PDE10A: variants seen among roughly 807,000 people sequenced by gnomAD.
PDE10A encodes the protein phosphodiesterase 10A, also known as cAMP and cAMP-inhibited cGMP 3',5'-cyclic phosphodiesterase 10A.
A neutral mutation model predicts 97.7 loss-of-function variants in PDE10A; 39 were observed. The observed-to-expected ratio is 0.40, with a 90% CI of 0.31 to 0.52. The LOEUF (loss-of-function observed/expected upper bound fraction) is 0.52. Ranked by LOEUF, PDE10A falls within the 20% of genes least tolerant of loss-of-function variation. The pLI, the probability that PDE10A is intolerant of heterozygous loss-of-function variation, is 0.56. For missense variants in PDE10A, 731 were observed against 1,047.8 expected, an observed-to-expected ratio of 0.70 and a Z score of 4.17; for synonymous variants, 371 against 376.8, an observed-to-expected ratio of 0.98 and a Z score of 0.18.
At chr6:165,339,410 C>T (rs1327174796) in intron 19 of PDE10A, 52 bp from the exon 20 acceptor site, 3 of 1,057,050 alleles carry the variant, frequency 2.8e-6, no homozygotes, top group Non-Finnish European at 4.4e-6. Context: ...AATTGCTATA[C>T]TATTTTGATA....
chr6:165,955,675 T>C lies in PDE10A; in HGVS notation c.-615+31854A>G, dbSNP rs969516354. The stretch of plus-strand genomic sequence containing the variant: ...ATTTTAAGTGCGAGTAGAAAAGTCA[T>C]TTCTTCATACTTTAGAAATTATTGA... On this transcript the variant is annotated intron_variant, in intron 1 of 19. Coordinates refer to the PDE10A transcript ENST00000366882. Among the ~76,000 whole-genome samples, 5 of 152,328 alleles carry C rather than the reference T, an allele frequency of 3.3e-5. No individual in the cohort carries two copies. In the East Asian group the frequency reaches 9.6e-4, roughly 29 times the overall value.
At chr6:165,413,877 A>C (rs1042176742) in intron 12 of PDE10A, among the ~76,000 whole-genome samples, 190 bp from the exon 13 acceptor site, 9 of 152,182 alleles carry the variant, frequency 5.9e-5, no homozygotes, top group Non-Finnish European at 1.3e-4. Flanking sequence ...AAACCTTTCC[A>C]AAAATATTCT....
intron 1 of PDE10A, among the ~76,000 whole-genome samples, chr6:165,677,489 A>T (rs759837701): frequency 5.9e-5 from 9 of 152,236 alleles, no homozygotes; most frequent in Non-Finnish European, 1.3e-4. Context: ...TTTAGAAATA[A>T]AATGTCTGCA....
intron 1 of PDE10A, among the ~76,000 whole-genome samples, chr6:165,606,153 G>GAAAAAAA (rs71029555): frequency 1.4e-4 from 16 of 113,278 alleles, no homozygotes; most frequent in African/African-American, 5.5e-4. Flanking sequence ...ACGAACAAGC[G>GAAAAAAA]AAAAAAAAAA....
At chr6:165,800,833 AG>A (rs1400086000) in intron 1 of PDE10A, among the ~76,000 whole-genome samples, 1 of 152,218 alleles carries the variant, frequency 6.6e-6, no homozygotes, top group East Asian at 1.9e-4. Flanking sequence ...ATCCATTTAG[AG>A]GGCAGCGTCC....
intron 1 of PDE10A, among the ~76,000 whole-genome samples, chr6:165,759,372 T>G (rs1252774228): frequency 1.3e-5 from 2 of 152,104 alleles, no homozygotes; most frequent in Non-Finnish European, 1.5e-5. Flanking sequence ...TCAGTGGAGC[T>G]CTCATCGCTT....
At chr6:165,530,793 A>G (rs1002967377) in intron 2 of PDE10A, among the ~76,000 whole-genome samples, 4 of 152,216 alleles carry the variant, frequency 2.6e-5, no homozygotes, top group African/African-American at 9.6e-5. Context: ...AAACCATCAG[A>G]TAAGTGTGCT....
intron 1 of PDE10A, among the ~76,000 whole-genome samples, chr6:165,784,038 T>G (rs1215868832): frequency 6.6e-6 from 1 of 151,960 alleles, no homozygotes; most frequent in Non-Finnish European, 1.5e-5. Flanking sequence ...GCCATCATGG[T>G]GAAACCCTGT....
At chr6:165,442,566 A>G (rs1790550446) in intron 5 of PDE10A, among the ~76,000 whole-genome samples, 1 of 152,042 alleles carries the variant, frequency 6.6e-6, no homozygotes, top group Non-Finnish European at 1.5e-5. Context: ...CTACCATCAG[A>G]CCTCACGAGA....
chr6:165,648,545 T>C (rs919279611), intron 1 of PDE10A, among the ~76,000 whole-genome samples: 1 of 152,196 alleles, frequency 6.6e-6, no homozygotes. Context: ...TACTACTGAA[T>C]GCCTTATTCT....
intron 1 of PDE10A, among the ~76,000 whole-genome samples, chr6:165,861,392 G>C (rs375589311): frequency 7.9e-5 from 12 of 151,646 alleles, no homozygotes; most frequent in Admixed American, 4.6e-4. Context: ...TGTCCTCTCG[G>C]GGGGGCGCTA....
intron 1 of PDE10A, among the ~76,000 whole-genome samples, chr6:165,859,937 G>C (rs1017091959): frequency 1.3e-5 from 2 of 152,104 alleles, no homozygotes; most frequent in African/African-American, 4.8e-5. Context: ...AGTAACTCAG[G>C]AATGGAAAAC....
chr6:165,854,469 G>T (rs1780659534), intron 1 of PDE10A, among the ~76,000 whole-genome samples: 1 of 152,162 alleles, frequency 6.6e-6, no homozygotes, highest in East Asian at 1.9e-4. Flanking sequence ...CCCCCAGGAC[G>T]TCCCCCGGTG....
chr6:165,916,674 G>T (rs1020043292), intron 1 of PDE10A, among the ~76,000 whole-genome samples: 1 of 152,202 alleles, frequency 6.6e-6, no homozygotes, highest in Admixed American at 6.5e-5. Context: ...TTGATTGATT[G>T]TGCTGCTGCA....
rs1233400002 is a variant in PDE10A, at chr6:165,563,148, C to G, written c.866-19580G>C. Reference sequence around the variant, plus strand: ...GCATATAAGTTAAATATCCCACAACCGAATACAGGAAAAAAAAGAAGAGGG... The same window carrying G: ...GCATATAAGTTAAATATCCCACAACGGAATACAGGAAAAAAAAGAAGAGGG... On this transcript the variant is annotated intron_variant, in intron 1 of 21. Coordinates refer to ENST00000539869, the MANE Select transcript of PDE10A (RefSeq NM_001385079.1). Among the ~76,000 whole-genome samples, 5 of 132,466 alleles carry G rather than the reference C, an allele frequency of 3.8e-5. No homozygotes were observed. In the Admixed American group the frequency reaches 4.6e-4, roughly 12 times the overall value. The allele number at this position is 132,466 out of a possible 152,430, so 86.9% of individuals were successfully genotyped here.
At chr6:165,700,656 T>C (rs1271377920) in intron 1 of PDE10A, among the ~76,000 whole-genome samples, 1 of 152,174 alleles carries the variant, frequency 6.6e-6, no homozygotes, top group Non-Finnish European at 1.5e-5. Flanking sequence ...AATTTGGGGA[T>C]TGGAGAGAGG....
chr6:165,779,958 G>C (rs1049571198), intron 1 of PDE10A, among the ~76,000 whole-genome samples: 1 of 152,160 alleles, frequency 6.6e-6, no homozygotes, highest in Non-Finnish European at 1.5e-5. Context: ...AGCATCTATT[G>C]AGTGCCTAGC....
chr6:165,701,524 G>A (rs1791569575), intron 1 of PDE10A, among the ~76,000 whole-genome samples: 1 of 152,154 alleles, frequency 6.6e-6, no homozygotes, highest in African/African-American at 2.4e-5. Flanking sequence ...GAATAATATG[G>A]TTTCTGCCAT....
At chr6:165,502,329 A>G (rs1320615417) in intron 2 of PDE10A, among the ~76,000 whole-genome samples, 2 of 152,202 alleles carry the variant, frequency 1.3e-5, no homozygotes, top group Non-Finnish European at 2.9e-5. Context: ...TAAAAGCCAC[A>G]GACTGGGAGA....
Sources: gnomAD v4.1 joint callset for allele counts (sites outside exome capture counted in the v4.1 genomes callset) on GRCh38, gnomAD v4.1.1 for gene constraint, MANE v1.5 for transcripts, NCBI Gene and HGNC (gene_info 2026-07-23, HGNC 2026-07-21) for gene names.